BMP2K: variants seen among roughly 807,000 people sequenced by gnomAD.
The protein encoded by BMP2K is BMP-2-inducible protein kinase.
Under a neutral mutation model 116.0 loss-of-function variants are expected in BMP2K, and 74 were observed. That is an observed-to-expected ratio of 0.64 (90% CI 0.53 to 0.77). BMP2K has a LOEUF of 0.77. Among genes scored for constraint, BMP2K ranks in the 30% least tolerant of loss-of-function variants. The pLI, the probability that BMP2K is intolerant of heterozygous loss-of-function variation, is 0.00. For missense variants in BMP2K, 1,365 were observed against 1,403.6 expected (o/e 0.97, Z 0.44); for synonymous variants, 486 against 502.5 (o/e 0.97, Z 0.44).
intron 1 of BMP2K, among the ~76,000 whole-genome samples, chr4:78,816,214 G>A (rs766099910): frequency 9.2e-5 from 14 of 152,022 alleles, no homozygotes; most frequent in Non-Finnish European, 2.1e-4. Context: ...TTTTTGGCAA[G>A]GGTACTTCAT....
chr4:78,905,185 T>C (rs763874902), intron 15 of BMP2K, among the ~76,000 whole-genome samples: 2 of 151,898 alleles, frequency 1.3e-5, no homozygotes, highest in Non-Finnish European at 2.9e-5. Context: ...TTTACAGATA[T>C]TGGTTGATCA....
intron 1 of BMP2K, among the ~76,000 whole-genome samples, chr4:78,781,015 G>A (rs550172787): frequency 6.6e-6 from 1 of 152,302 alleles, no homozygotes; most frequent in Admixed American, 6.5e-5. Flanking sequence ...GAAGACTGAA[G>A]TCTCTGTGTG....
intron 4 of BMP2K, 24 bp downstream of exon 4, chr4:78,842,551 G>T (rs1460453039): frequency 6.5e-7 from 1 of 1,530,194 alleles, no homozygotes; most frequent in Admixed American, 1.8e-5. Flanking sequence ...AATTCCTATG[G>T]ATTAAGTAAT....
chr4:78,816,529 A>T (rs1487378638), intron 1 of BMP2K, among the ~76,000 whole-genome samples: 3 of 152,202 alleles, frequency 2.0e-5, no homozygotes, highest in Admixed American at 1.3e-4. Flanking sequence ...AAGAAAATGC[A>T]TGGAAAACTA....
At chr4:78,823,394 C>T (rs1331946442) in intron 1 of BMP2K, among the ~76,000 whole-genome samples, 2 of 151,552 alleles carry the variant, frequency 1.3e-5, no homozygotes, top group Admixed American at 1.3e-4. Context: ...TCTTTTCCCT[C>T]TTCCATCTAA....
intron 1 of BMP2K, among the ~76,000 whole-genome samples, chr4:78,801,641 T>C (rs1195179797): frequency 6.6e-6 from 1 of 152,138 alleles, no homozygotes; most frequent in African/African-American, 2.4e-5. Context: ...AGGTTCTCTT[T>C]TCTCCATTTT....
intron 2 of BMP2K, among the ~76,000 whole-genome samples, chr4:78,832,102 T>C (rs1395953679): frequency 6.6e-6 from 1 of 152,194 alleles, no homozygotes; most frequent in Non-Finnish European, 1.5e-5. Context: ...AAAAATTATT[T>C]GATGAGCATT....
At chr4:78,850,404 T>G (rs984019508) in intron 6 of BMP2K, among the ~76,000 whole-genome samples, 1 of 151,970 alleles carries the variant, frequency 6.6e-6, no homozygotes. Context: ...GAGGGTTATA[T>G]CTAGAAACAC....
At position 78,912,245 on chromosome 4, in the gene BMP2K, A is replaced by G. The variant is rs1734678625; in HGVS notation, c.*212A>G. On this transcript the variant is annotated 3_prime_UTR_variant, in exon 16 of 16. Transcript: ENST00000502613. ...TCAGGAGAAAAGGGAGCTAAATTGC[A>G]AGCTCTAACTAAGGGTTTCTGCTAC... 2.0e-6 allele frequency: 1 copy of G among 503,758 alleles called. No homozygotes were observed. The highest frequency in any genetic ancestry group is 3.5e-6 in the Non-Finnish European group (1 of 288,274). 31.2% of individuals were successfully genotyped at this position (503,758 alleles called of 1,614,324 possible).
chr4:78,844,610 T>C (rs1364339122), intron 4 of BMP2K, among the ~76,000 whole-genome samples: 3 of 151,622 alleles, frequency 2.0e-5, no homozygotes, highest in African/African-American at 7.2e-5. Context: ...TTTGCCCCTG[T>C]ACAAATCAAC....
chr4:78,907,299 GAAGTATAAAGTGACAGATGTCTTCTGAA>G (rs1235252678), intron 15 of BMP2K, among the ~76,000 whole-genome samples: 1 of 152,168 alleles, frequency 6.6e-6, no homozygotes, highest in African/African-American at 2.4e-5. Flanking sequence ...AACAGAATGA[GAAGTATAAAGTGACAGATGTCTTCTGAA>G]AAGTAATGGT....
At chr4:78,861,827 GA>G (rs1378342834) in intron 9 of BMP2K, among the ~76,000 whole-genome samples, 1 of 151,558 alleles carries the variant, frequency 6.6e-6, no homozygotes, top group East Asian at 1.9e-4. Context: ...TTTAAGGAAA[GA>G]AAAAAATAGC....
intron 3 of BMP2K, among the ~76,000 whole-genome samples, chr4:78,834,228 A>G (rs1391239146): frequency 6.6e-6 from 1 of 151,490 alleles, no homozygotes; most frequent in East Asian, 1.9e-4. Flanking sequence ...TACCTTAATC[A>G]TCATCATCAT....
intron 1 of BMP2K, among the ~76,000 whole-genome samples, chr4:78,800,850 A>C (rs1311767609): frequency 6.6e-6 from 1 of 152,210 alleles, no homozygotes; most frequent in Non-Finnish European, 1.5e-5. Flanking sequence ...TTAAGTATCA[A>C]ATGTAAATAC....
At chr4:78,793,977 GTA>G (rs1728131752) in intron 1 of BMP2K, among the ~76,000 whole-genome samples, 1 of 152,114 alleles carries the variant, frequency 6.6e-6, no homozygotes, top group Non-Finnish European at 1.5e-5. Context: ...AGTTTACAGT[GTA>G]TAGTGTGCAC....
chr4:78,793,855 T>C (rs1728125586), intron 1 of BMP2K, among the ~76,000 whole-genome samples: 1 of 151,656 alleles, frequency 6.6e-6, no homozygotes, highest in Non-Finnish European at 1.5e-5. Flanking sequence ...TTATTAAAAC[T>C]AATTTTACAG....
chr4:78,876,956 A>G (rs12649863), intron 13 of BMP2K, among the ~76,000 whole-genome samples: 26,231 of 152,126 alleles, frequency 0.17, 4,619 homozygotes, highest in African/African-American at 0.45. Flanking sequence ...GCATGTTACT[A>G]TATTTAGTAC....
intron 3 of BMP2K, 30 bp from the exon 4 acceptor site, chr4:78,842,355 A>G: frequency 6.4e-7 from 1 of 1,559,104 alleles, no homozygotes; most frequent in Non-Finnish European, 8.8e-7. Context: ...TATTAAAAAT[A>G]TGTCCTCTCA....
At chr4:78,909,373 A>AT (rs386400585) in intron 15 of BMP2K, among the ~76,000 whole-genome samples, 1 of 7,574 alleles carries the variant, frequency 1.3e-4, no homozygotes. Flanking sequence ...ATTTTTTTTT[A>AT]TGTAAACCTA....
Sources: allele counts gnomAD v4.1 joint callset (sites outside exome capture counted in the v4.1 genomes callset), GRCh38; gene constraint gnomAD v4.1.1; transcripts MANE v1.5; gene names NCBI Gene and HGNC (gene_info 2026-07-23, HGNC 2026-07-21).